FOSL2: variants seen among roughly 807,000 people sequenced by gnomAD.
FOSL2 encodes fos-related antigen 2.
FOSL2 carries 3 observed loss-of-function variants against 27.7 expected under a neutral mutation model. That is an observed-to-expected ratio of 0.11 (90% CI 0.05 to 0.28). The LOEUF (loss-of-function observed/expected upper bound fraction) is 0.28, where lower values mean the gene tolerates loss of function less well. Among genes scored for constraint, FOSL2 ranks in the 10% least tolerant of loss-of-function variants. The probability of loss-of-function intolerance (pLI) is 1.00; values close to 1 mark genes in which losing one functional copy is unlikely to be tolerated. For missense variants in FOSL2, 333 were observed against 445.1 expected (o/e 0.75, Z 2.27); for synonymous variants, 179 against 190.1 (o/e 0.94, Z 0.48).
At chr2:28,410,576 G>T (rs538978883) in intron 3 of FOSL2, 2 of 979,248 alleles carry the variant, frequency 2.0e-6, no homozygotes, top group Non-Finnish European at 2.4e-6. Flanking sequence ...GCCCTTGCCC[G>T]TATGTCCTCA....
chr2:28,399,473 C>T (rs759203829), intron 1 of FOSL2, among the ~76,000 whole-genome samples: 2 of 152,078 alleles, frequency 1.3e-5, no homozygotes, highest in Non-Finnish European at 2.9e-5. Flanking sequence ...CTAGAGGGTC[C>T]GTGTTTTCGG....
chr2:28,408,684 T>C lies in FOSL2; in HGVS notation c.355-75T>C, dbSNP rs1664131830. The stretch of plus-strand genomic sequence containing the variant: ...TTTCCAGAAGGGCTTCTTGCCTTAC[T>C]TAAAATACAGTTTTTAAAAAATACT... On this transcript the variant is annotated intron_variant, in intron 2 of 3. Coordinates refer to ENST00000264716, the MANE Select transcript of FOSL2 (RefSeq NM_005253.4). This position sits in a 1 kb window ranked among gnomAD's most constrained non-coding sequence, Gnocchi z 4.1. 2 of 1,130,912 alleles carry C rather than the reference T, an allele frequency of 1.8e-6. No homozygotes were observed. The highest frequency in any genetic ancestry group is 2.8e-5 in the East Asian group (1 of 35,362). 70.1% of individuals were successfully genotyped at this position (1,130,912 alleles called of 1,614,324 possible). A position where few individuals can be genotyped will look rare whatever the true frequency, so the allele number is the denominator to read the frequency against.
intron 1 of FOSL2, among the ~76,000 whole-genome samples, chr2:28,398,275 A>G (rs1663898155): frequency 6.6e-6 from 1 of 152,212 alleles, no homozygotes; most frequent in African/African-American, 2.4e-5. Flanking sequence ...ATCTGTTCCA[A>G]ACCCCATCTG....
intron 1 of FOSL2, among the ~76,000 whole-genome samples, chr2:28,401,589 A>G (rs1449669053): frequency 6.6e-6 from 1 of 152,182 alleles, no homozygotes; most frequent in African/African-American, 2.4e-5. Flanking sequence ...AGCTCAGGAA[A>G]AAAATAGCTG....
chr2:28,411,729 T>A, intron 3 of FOSL2: 1 of 620,194 alleles, frequency 1.6e-6, no homozygotes, highest in Non-Finnish European at 2.9e-6. Flanking sequence ...TTACCCCCTC[T>A]CCAAGCTGAC....
At position 28,411,609 on chromosome 2, in the gene FOSL2, CA is replaced by C. The variant is rs1163583530; in HGVS notation, c.463-320del. On this transcript the variant is annotated intron_variant, in intron 3 of 3. Transcript: ENST00000264716. ...CATCTGCAAAATGGGGCGATGATAA[CA>C]TCTGCTTCCAAAAAACTCCTGGAAG... Among the ~76,000 whole-genome samples the C allele has an allele frequency of 1.4e-4, 21 of 152,344 alleles. No individual in the cohort carries two copies. The East Asian group carries it at 3.5e-3, about 25-fold the overall frequency.
rs199858036 is a variant in FOSL2, at chr2:28,412,474, C to T, written c.*26C>T. 1.5e-5 allele frequency: 24 copies of T among 1,586,072 alleles called. No individual in the cohort carries two copies. The highest frequency in any genetic ancestry group is 4.4e-5 in the South Asian group (4 of 89,996). On this transcript the variant is annotated 3_prime_UTR_variant, in exon 4 of 4. Coordinates refer to ENST00000264716, the MANE Select transcript of FOSL2 (RefSeq NM_005253.4). The surrounding 1 kb of genome is among the most constrained non-coding windows in gnomAD (Gnocchi z 7.1). ...CCCAGTGCACCTCCCTCCCCAGCTC[C>T]GGAGGGGGTCCTCCTCGCTCCTCCT... is the stretch of plus-strand genomic sequence containing the variant.
In FOSL2 at chr2:28,408,182, G is replaced by A. The variant is rs937012937; in HGVS notation, c.355-577G>A. 2.6e-5 allele frequency among the ~76,000 whole-genome samples: 4 copies of A among 152,184 alleles called. No homozygotes were observed. The highest frequency in any genetic ancestry group is 4.4e-5 in the Non-Finnish European group (3 of 68,036). On this transcript the variant is annotated intron_variant, in intron 2 of 3. Transcript: ENST00000264716. The surrounding 1 kb of genome is among the most constrained non-coding windows in gnomAD (Gnocchi z 4.1). ...CCCTGGGATTGGCAGAGGAAATCGGGAGTGGAGTGGCACTCTTGGCCCTCC... is the reference window on the plus strand; with the variant it reads ...CCCTGGGATTGGCAGAGGAAATCGGAAGTGGAGTGGCACTCTTGGCCCTCC...
intron 1 of FOSL2, among the ~76,000 whole-genome samples, chr2:28,397,375 A>G (rs748918732): frequency 1.7e-4 from 26 of 151,956 alleles, no homozygotes; most frequent in Admixed American, 3.3e-4. Context: ...TGTGGGAGGC[A>G]TAGATTAAGG....
chr2:28,394,137 G>GGGCCCC (rs1663750381), intron 1 of FOSL2, among the ~76,000 whole-genome samples: 2 of 80,918 alleles, frequency 2.5e-5, no homozygotes, highest in East Asian at 3.6e-4. Context: ...CCCAGTGTCT[G>GGGCCCC]CCCCCCCCCC....
rs747044266 is a variant in FOSL2 at position 28,416,673 on chromosome 2, T to C, written c.*4225T>C. ...TCAAAAATTATTTTCTCTGTATGAT[T>C]AAAAGTTTATTCCATTTATTTTAGT... On this transcript the variant is annotated 3_prime_UTR_variant, in exon 4 of 4. Transcript: ENST00000264716. 2 of 152,194 alleles carry C rather than the reference T, an allele frequency of 1.3e-5. No homozygotes were observed. Among genetic ancestry groups the C allele is most frequent in the Non-Finnish European group, 2.9e-5 (2 of 68,036 alleles). The allele number at this position is 152,194 out of a possible 1,614,324, so 9.4% of individuals were successfully genotyped here. A position where few individuals can be genotyped will look rare whatever the true frequency, so the allele number is the denominator to read the frequency against.
At chr2:28,410,495 C>T (rs1365706132) in intron 3 of FOSL2, 3 of 982,798 alleles carry the variant, frequency 3.1e-6, no homozygotes, top group South Asian at 4.8e-5. Context: ...AAGCTCATGA[C>T]GTTCGTCAGA....
In FOSL2 at chr2:28,404,479, A is replaced by AG; in HGVS notation, c.354+125dup. 1.6e-6 allele frequency: 2 copies of AG among 1,267,206 alleles called. No individual in the cohort carries two copies. Among genetic ancestry groups the AG allele is most frequent in the Non-Finnish European group, 2.2e-6 (2 of 920,592 alleles). The allele number at this position is 1,267,206 out of a possible 1,614,324, so 78.5% of individuals were successfully genotyped here. On this transcript the variant is annotated intron_variant, in intron 2 of 3. Coordinates refer to ENST00000264716, the MANE Select transcript of FOSL2 (RefSeq NM_005253.4). This position sits in a 1 kb window ranked among gnomAD's most constrained non-coding sequence, Gnocchi z 4.7. Reference sequence around the variant, plus strand: ...TGAGAGCAGGGGAGACAAGGGAGCTAGGGGTCGAAGAGCACGTCATCCCCC... The same window carrying AG: ...TGAGAGCAGGGGAGACAAGGGAGCTAGGGGGTCGAAGAGCACGTCATCCCCC...
chr2:28,402,488 T>C (rs930310922), intron 1 of FOSL2, among the ~76,000 whole-genome samples: 6 of 152,230 alleles, frequency 3.9e-5, no homozygotes, highest in Non-Finnish European at 8.8e-5. Context: ...ACCCTGATGT[T>C]GTGACAAGGC....
chr2:28,403,989 C>T, intron 1 of FOSL2, 118 bp from the exon 2 acceptor site: 23 of 1,259,680 alleles, frequency 1.8e-5, no homozygotes, highest in East Asian at 7.1e-5. Context: ...TGACCTTGCC[C>T]TTCGAACACT....
intron 2 of FOSL2, among the ~76,000 whole-genome samples, chr2:28,406,308 C>T (rs1664081025): frequency 1.3e-5 from 2 of 152,222 alleles, no homozygotes; most frequent in South Asian, 2.1e-4. Flanking sequence ...GTGATCCACC[C>T]GCCTCAGCTT....
At chr2:28,403,711 C>T (rs559150492) in intron 1 of FOSL2, among the ~76,000 whole-genome samples, 8 of 152,168 alleles carry the variant, frequency 5.3e-5, no homozygotes, top group South Asian at 4.1e-4. Context: ...AGTTGGCAGG[C>T]GACTCAGAGG....
At chr2:28,410,128 T>C (rs1466374527) in intron 3 of FOSL2, among the ~76,000 whole-genome samples, 2 of 152,178 alleles carry the variant, frequency 1.3e-5, no homozygotes, top group African/African-American at 2.4e-5. Context: ...CTCTGGGGTG[T>C]TGAATGAATT....
rs940929906 is a variant in FOSL2, at chr2:28,404,727, C to A, written c.354+369C>A. Reference sequence around the variant, plus strand: ...GGCCATGGGACAAGCAGCCAATGAACCCTGGCTGTGAGCTTTTTAGGATTA... The same window carrying A: ...GGCCATGGGACAAGCAGCCAATGAAACCTGGCTGTGAGCTTTTTAGGATTA... On this transcript the variant is annotated intron_variant, in intron 2 of 3. Transcript: ENST00000264716. The surrounding 1 kb of genome is among the most constrained non-coding windows in gnomAD (Gnocchi z 4.7). Among the ~76,000 whole-genome samples, 5 of 152,174 alleles carry A rather than the reference C, an allele frequency of 3.3e-5. No homozygotes were observed. Among genetic ancestry groups the A allele is most frequent in the African/African-American group, 1.2e-4 (5 of 41,436 alleles).
Sources: allele counts gnomAD v4.1 joint callset (sites outside exome capture counted in the v4.1 genomes callset), GRCh38; gene constraint gnomAD v4.1.1; non-coding constraint Gnocchi (gnomAD v3.1); transcripts MANE v1.5; gene names NCBI Gene and HGNC (gene_info 2026-07-23, HGNC 2026-07-21).